Variants in SETBP1 observed in about 807,000 individuals in gnomAD.
SETBP1 encodes SET-binding protein.
Under a neutral mutation model 101.0 loss-of-function variants are expected in SETBP1, and 9 were observed. The ratio of observed to expected loss-of-function variants is 0.09; its 90% confidence interval spans 0.05 to 0.16. SETBP1 has a LOEUF of 0.16. Ranked by LOEUF, SETBP1 falls within the 10% of genes least tolerant of loss-of-function variation. SETBP1 has a pLI of 1.00. For synonymous variants in SETBP1, 818 were observed against 788.5 expected, an observed-to-expected ratio of 1.04 and a Z score of -0.63; for missense variants, 1,858 against 2,033.8, an observed-to-expected ratio of 0.91 and a Z score of 1.66.
At chr18:45,054,777 C>T (rs2073781359) in intron 5 of SETBP1, among the ~76,000 whole-genome samples, 1 of 152,180 alleles carries the variant, frequency 6.6e-6, no homozygotes, top group African/African-American at 2.4e-5. Flanking sequence ...CTGTCATTAT[C>T]TGTCCAAAGT....
At chr18:44,939,856 C>T (rs530066114) in intron 3 of SETBP1, among the ~76,000 whole-genome samples, 1 of 152,114 alleles carries the variant, frequency 6.6e-6, no homozygotes, top group African/African-American at 2.4e-5. Context: ...TGCTTGTTAC[C>T]GGCACAGCAT....
chr18:44,841,508 G>A (rs906254572), intron 2 of SETBP1, among the ~76,000 whole-genome samples: 3 of 152,220 alleles, frequency 2.0e-5, no homozygotes, highest in Admixed American at 6.5e-5. Flanking sequence ...GAGAGGAAGA[G>A]TACCAAAGAA....
At chr18:45,025,422 C>T (rs984058266) in intron 4 of SETBP1, among the ~76,000 whole-genome samples, 1 of 152,168 alleles carries the variant, frequency 6.6e-6, no homozygotes, top group African/African-American at 2.4e-5. Flanking sequence ...TCAAAGACAT[C>T]ATCATGGTAT....
At chr18:44,687,637 T>C (rs2068860092) in intron 1 of SETBP1, among the ~76,000 whole-genome samples, 1 of 152,194 alleles carries the variant, frequency 6.6e-6, no homozygotes, top group Non-Finnish European at 1.5e-5. Flanking sequence ...TTTGGTAAAA[T>C]AACTGACTTG....
intron 2 of SETBP1, among the ~76,000 whole-genome samples, chr18:44,786,089 A>G (rs907641772): frequency 1.1e-4 from 16 of 152,310 alleles, no homozygotes; most frequent in African/African-American, 3.4e-4. Flanking sequence ...AAGGCCATTG[A>G]TGAAACTAGC....
chr18:44,986,657 C>A (rs551860755), intron 4 of SETBP1: 4 of 148,732 alleles, frequency 2.7e-5, no homozygotes, highest in Admixed American at 6.7e-5. Context: ...TGGTTAAAAA[C>A]TGAGGCACAA....
rs745793904 is a variant in SETBP1, at chr18:44,926,214, T to C, written c.541-23667T>C. The stretch of plus-strand genomic sequence containing the variant: ...TCCAAAAGTGCTGAGATTACAGGTG[T>C]GAGCCACTGTTCCTGGCCGAAGTGT... On this transcript the variant is annotated intron_variant, in intron 3 of 5. Transcript: ENST00000649279. Among the ~76,000 whole-genome samples, 109 of 152,284 alleles carry C rather than the reference T, an allele frequency of 7.2e-4. 1 individual carries two copies. Among genetic ancestry groups the C allele is most frequent in the Middle Eastern group, 3.4e-3 (1 of 294 alleles).
intron 4 of SETBP1, among the ~76,000 whole-genome samples, chr18:44,980,699 G>C (rs1480555614): frequency 6.6e-6 from 1 of 152,178 alleles, no homozygotes; most frequent in Non-Finnish European, 1.5e-5. Context: ...CACAGAAGGT[G>C]CAGGCCTCCA....
rs1346900474 is a variant in SETBP1 at position 44,711,390 on chromosome 18, TCCTTCCTCTCTC to T, written c.486+9567_486+9578del. Among the ~76,000 whole-genome samples the T allele has an allele frequency of 4.8e-5, 7 of 146,796 alleles. No individual in the cohort carries two copies. The East Asian group carries it at 6.2e-4, about 13-fold the overall frequency. On this transcript the variant is annotated intron_variant, in intron 2 of 5. Transcript: ENST00000649279. The stretch of plus-strand genomic sequence containing the variant: ...TCCTTCCTTCCTTCCTTCCTTCTTT[TCCTTCCTCTCTC>T]CCTTCCTCCCTCCCTCCCTTTCTCC...
intron 4 of SETBP1, among the ~76,000 whole-genome samples, chr18:44,954,885 C>T (rs1015760900): frequency 1.6e-4 from 25 of 152,172 alleles, no homozygotes; most frequent in African/African-American, 6.0e-4. Flanking sequence ...ATGTGAGAAA[C>T]TGATCTCTTT....
chr18:44,906,377 T>C (rs1391160861), intron 3 of SETBP1, among the ~76,000 whole-genome samples: 2 of 152,204 alleles, frequency 1.3e-5, no homozygotes, highest in African/African-American at 2.4e-5. Flanking sequence ...AGTGTTTGTG[T>C]GTTCTTAGTA....
intron 4 of SETBP1, among the ~76,000 whole-genome samples, chr18:45,000,825 C>CACACAG (rs58799791): frequency 6.7e-6 from 1 of 150,124 alleles, no homozygotes; most frequent in East Asian, 1.9e-4. Flanking sequence ...CACACACACA[C>CACACAG]TCCTAGGAAG....
At chr18:44,752,174 A>G (rs1163565844) in intron 2 of SETBP1, among the ~76,000 whole-genome samples, 1 of 152,208 alleles carries the variant, frequency 6.6e-6, no homozygotes, top group African/African-American at 2.4e-5. Context: ...CCACGTTTGT[A>G]TATTTGATTT....
intron 3 of SETBP1, among the ~76,000 whole-genome samples, chr18:44,873,044 A>G (rs1277214556): frequency 1.3e-5 from 2 of 152,240 alleles, no homozygotes; most frequent in African/African-American, 2.4e-5. Context: ...TAAAATGTCA[A>G]TTGCTACTAT....
intron 4 of SETBP1, among the ~76,000 whole-genome samples, chr18:45,000,955 A>G (rs977356526): frequency 1.2e-4 from 19 of 152,172 alleles, no homozygotes; most frequent in Non-Finnish European, 2.4e-4. Context: ...GGACCCCAAC[A>G]AAATAGAGGT....
intron 3 of SETBP1, among the ~76,000 whole-genome samples, chr18:44,875,389 G>T (rs536794688): frequency 1.3e-5 from 2 of 151,890 alleles, no homozygotes; most frequent in South Asian, 2.1e-4. Flanking sequence ...GTGGTGCTGC[G>T]TGCCTGTAGT....
intron 5 of SETBP1, among the ~76,000 whole-genome samples, chr18:45,059,991 G>A (rs1251221609): frequency 5.3e-5 from 8 of 152,138 alleles, no homozygotes; most frequent in Non-Finnish European, 1.0e-4. Context: ...CAAGATGTAC[G>A]TGTGTTTTTA....
At chr18:44,921,129 C>A (rs946904836) in intron 3 of SETBP1, among the ~76,000 whole-genome samples, 1 of 152,186 alleles carries the variant, frequency 6.6e-6, no homozygotes, top group Non-Finnish European at 1.5e-5. Context: ...TCAAATTCTA[C>A]AATAGTTTTG....
intron 2 of SETBP1, among the ~76,000 whole-genome samples, chr18:44,785,407 C>A (rs1248355567): frequency 2.0e-5 from 3 of 152,148 alleles, no homozygotes; most frequent in Admixed American, 6.5e-5. Flanking sequence ...GTTATTAGAA[C>A]TTTTGGAGGG....
Sources: gnomAD v4.1 joint callset for allele counts (sites outside exome capture counted in the v4.1 genomes callset) on GRCh38, gnomAD v4.1.1 for gene constraint, MANE v1.5 for transcripts, NCBI Gene and HGNC (gene_info 2026-07-23, HGNC 2026-07-21) for gene names.